Variants in NHS observed in about 807,000 individuals in gnomAD.
NHS encodes actin remodeling regulator NHS.
Under a neutral mutation model 72.5 loss-of-function variants are expected in NHS, and 5 were observed. That is an observed-to-expected ratio of 0.07 (90% CI 0.04 to 0.14). The LOEUF is 0.14. Ranked by LOEUF, NHS falls within the 10% of genes least tolerant of loss-of-function variation. The probability of loss-of-function intolerance (pLI) is 1.00; values close to 1 mark genes in which losing one functional copy is unlikely to be tolerated. For synonymous variants in NHS, 464 were observed against 547.7 expected (o/e 0.85, Z 2.13); for missense variants, 1,072 against 1,355.7 (o/e 0.79, Z 3.29).
At chrX:17,433,079 G>A (rs1322719311) in intron 1 of NHS, among the ~76,000 whole-genome samples, 1 of 109,309 alleles carries the variant, frequency 9.1e-6, no homozygotes, top group Admixed American at 9.7e-5. Flanking sequence ...GCCCAGGCTG[G>A]AGTTCAGTGG....
At chrX:17,491,470 T>C (rs1363416200) in intron 1 of NHS, among the ~76,000 whole-genome samples, 1 of 111,647 alleles carries the variant, frequency 9.0e-6, no homozygotes, top group Non-Finnish European at 1.9e-5. Context: ...GGGATGAAGC[T>C]AACTTGATCG....
chrX:17,553,772 G>A (rs1231752930), intron 1 of NHS, among the ~76,000 whole-genome samples: 3 of 111,365 alleles, frequency 2.7e-5, no homozygotes, highest in Non-Finnish European at 3.8e-5. Flanking sequence ...GGGCGGGGTA[G>A]GGGGGCGGTG....
chrX:17,458,972 A>G (rs2064836499), intron 1 of NHS, among the ~76,000 whole-genome samples: 1 of 112,519 alleles, frequency 8.9e-6, no homozygotes, highest in South Asian at 3.7e-4. Flanking sequence ...CCCCAGACCT[A>G]CTGCACTAGT....
chrX:17,458,674 T>C (rs113494119), intron 1 of NHS, among the ~76,000 whole-genome samples: 2 of 109,217 alleles, frequency 1.8e-5, no homozygotes, highest in East Asian at 5.8e-4. Flanking sequence ...TATATTTTTA[T>C]TAGAGTTGGG....
At chrX:17,528,083 C>T (rs2065181454) in intron 1 of NHS, among the ~76,000 whole-genome samples, 1 of 111,890 alleles carries the variant, frequency 8.9e-6, no homozygotes, top group Admixed American at 9.4e-5. Flanking sequence ...TGGCTTTTGT[C>T]TAGGGCAGTG....
rs1312076683 is a variant in NHS, at chrX:17,582,824, T to C, written c.566-104918T>C. Among the ~76,000 whole-genome samples the C allele has an allele frequency of 1.2e-4, 13 of 112,538 alleles. No individual in the cohort carries two copies. The Admixed American group carries it at 1.2e-3, about 11-fold the overall frequency. On this transcript the variant is annotated intron_variant, in intron 1 of 8. Coordinates refer to ENST00000676302, the MANE Select transcript of NHS (RefSeq NM_001291867.2). Reference sequence around the variant, plus strand: ...GATAATAAAACCCAGATTGTATAAGTGTGTGCTCACAGGCAGACATTCATA... The same window carrying C: ...GATAATAAAACCCAGATTGTATAAGCGTGTGCTCACAGGCAGACATTCATA...
chrX:17,506,644 T>C (rs1170975089), intron 1 of NHS, among the ~76,000 whole-genome samples: 1 of 111,756 alleles, frequency 8.9e-6, no homozygotes, highest in Admixed American at 9.6e-5. Context: ...CTCTTTCTCC[T>C]TGTGACTGTT....
intron 1 of NHS, among the ~76,000 whole-genome samples, chrX:17,501,782 A>G (rs2065037332): frequency 1.8e-5 from 2 of 112,440 alleles, no homozygotes; most frequent in African/African-American, 6.5e-5. Context: ...CAAGTCTTGA[A>G]TGTTCCAGGA....
intron 1 of NHS, among the ~76,000 whole-genome samples, chrX:17,618,131 A>AT (rs2065755391): frequency 8.9e-6 from 1 of 111,960 alleles, no homozygotes; most frequent in Admixed American, 9.5e-5. Context: ...GGTGGTCTGG[A>AT]TTTGTGATCT....
At chrX:17,461,596 C>T in intron 1 of NHS, among the ~76,000 whole-genome samples, 1 of 112,969 alleles carries the variant, frequency 8.9e-6, no homozygotes, top group Non-Finnish European at 1.9e-5. Context: ...AAGAATGGTA[C>T]ATGGAACTAC....
chrX:17,463,408 TA>T (rs1392039187), intron 1 of NHS, among the ~76,000 whole-genome samples: 1 of 110,121 alleles, frequency 9.1e-6, no homozygotes, highest in East Asian at 2.8e-4. Flanking sequence ...AAGTTTAGAT[TA>T]GGTTTATATG....
intron 1 of NHS, among the ~76,000 whole-genome samples, chrX:17,541,403 GTCTTCCT>G (rs2065261789): frequency 8.9e-6 from 1 of 111,862 alleles, no homozygotes; most frequent in Admixed American, 9.5e-5. Flanking sequence ...AGTGGTATTT[GTCTTCCT>G]TCTACCTCAC....
intron 1 of NHS, among the ~76,000 whole-genome samples, chrX:17,545,469 G>A (rs1035514926): frequency 3.6e-5 from 4 of 111,549 alleles, no homozygotes; most frequent in African/African-American, 9.8e-5. Context: ...AGATGTCTGT[G>A]GGCCAGGTTT....
chrX:17,443,350 C>G (rs1569255604), intron 1 of NHS, among the ~76,000 whole-genome samples: 1 of 111,798 alleles, frequency 8.9e-6, no homozygotes. Flanking sequence ...AGCGTGTAAA[C>G]ATGCTATTCT....
intron 1 of NHS, among the ~76,000 whole-genome samples, chrX:17,514,749 T>C (rs1301252263): frequency 2.7e-5 from 3 of 112,117 alleles, no homozygotes; most frequent in Non-Finnish European, 5.6e-5. Flanking sequence ...CCAGGACATG[T>C]AAATGGTGCC....
At chrX:17,432,425 A>T (rs2064698310) in intron 1 of NHS, among the ~76,000 whole-genome samples, 1 of 112,715 alleles carries the variant, frequency 8.9e-6, no homozygotes. Flanking sequence ...ATACTCAATA[A>T]ATATTTGTTG....
At chrX:17,570,780 C>T (rs1276576830) in intron 1 of NHS, among the ~76,000 whole-genome samples, 1 of 111,555 alleles carries the variant, frequency 9.0e-6, no homozygotes, top group Non-Finnish European at 1.9e-5. Flanking sequence ...AGTTTTTGCC[C>T]GTTCAGCATG....
At chrX:17,431,264 T>G (rs1183708784) in intron 1 of NHS, among the ~76,000 whole-genome samples, 1 of 111,490 alleles carries the variant, frequency 9.0e-6, no homozygotes, top group African/African-American at 3.3e-5. Flanking sequence ...TGGCCAGAAC[T>G]AGGATTTTTT....
chrX:17,677,005 CT>C (rs1350239048), intron 1 of NHS, among the ~76,000 whole-genome samples: 3 of 112,001 alleles, frequency 2.7e-5, no homozygotes, highest in East Asian at 2.8e-4. Context: ...CAGCATCCCC[CT>C]GGGACTTGTT....
Sources: gnomAD v4.1 joint callset for allele counts (sites outside exome capture counted in the v4.1 genomes callset) on GRCh38, gnomAD v4.1.1 for gene constraint, MANE v1.5 for transcripts, NCBI Gene and HGNC (gene_info 2026-07-23, HGNC 2026-07-21) for gene names.